GRM5: variants seen among roughly 807,000 people sequenced by gnomAD.
GRM5 encodes metabotropic glutamate receptor 5.
GRM5 carries 19 observed loss-of-function variants against 83.1 expected under a neutral mutation model. The ratio of observed to expected loss-of-function variants is 0.23; its 90% CI spans 0.16 to 0.34. The LOEUF is 0.34. Ranked by LOEUF, GRM5 falls within the 10% of genes least tolerant of loss-of-function variation. The probability of loss-of-function intolerance (pLI) is 1.00; values close to 1 mark genes in which losing one functional copy is unlikely to be tolerated. For synonymous variants in GRM5, 675 were observed against 633.6 expected, an observed-to-expected ratio of 1.07 and a Z score of -0.98; for missense variants, 1,160 against 1,588.3, an observed-to-expected ratio of 0.73 and a Z score of 4.58.
chr11:88,966,404 TA>T (rs5793372), intron 2 of GRM5, among the ~76,000 whole-genome samples: 1 of 151,540 alleles, frequency 6.6e-6, no homozygotes, highest in South Asian at 2.1e-4. Context: ...AAAAGCAGTT[TA>T]AAAAAAAGCT....
intron 3 of GRM5, among the ~76,000 whole-genome samples, chr11:88,745,360 C>A (rs932057889): frequency 7.5e-6 from 1 of 132,700 alleles, no homozygotes; most frequent in African/African-American, 2.6e-5. Context: ...GCACGTGCCA[C>A]CCCACCTAGC....
chr11:89,037,449 T>C (rs1433772190), intron 2 of GRM5, among the ~76,000 whole-genome samples: 5 of 152,068 alleles, frequency 3.3e-5, no homozygotes, highest in Admixed American at 1.3e-4. Flanking sequence ...ATGAGTAACC[T>C]ACAGTGCAAT....
intron 3 of GRM5, among the ~76,000 whole-genome samples, chr11:88,662,355 T>C (rs954477503): frequency 6.6e-6 from 1 of 152,192 alleles, no homozygotes; most frequent in Non-Finnish European, 1.5e-5. Flanking sequence ...CATACAGTAA[T>C]GACAGCAGAG....
chr11:88,825,763 C>G (rs1943884850), intron 3 of GRM5, among the ~76,000 whole-genome samples: 1 of 152,136 alleles, frequency 6.6e-6, no homozygotes, highest in African/African-American at 2.4e-5. Flanking sequence ...GAGAGATTAT[C>G]ACTGTTTGCC....
intron 3 of GRM5, among the ~76,000 whole-genome samples, chr11:88,771,244 G>A (rs1343893189): frequency 6.6e-6 from 1 of 152,056 alleles, no homozygotes; most frequent in Non-Finnish European, 1.5e-5. Flanking sequence ...TATATGAAAG[G>A]AAGTTTATTA....
At chr11:88,630,443 C>A (rs559185938) in intron 4 of GRM5, among the ~76,000 whole-genome samples, 5 of 151,894 alleles carry the variant, frequency 3.3e-5, no homozygotes, top group Non-Finnish European at 5.9e-5. Flanking sequence ...AATGTAGAGA[C>A]CCTGAAGTTA....
chr11:88,910,310 CTATT>C (rs1945475683), intron 2 of GRM5, among the ~76,000 whole-genome samples: 1 of 152,010 alleles, frequency 6.6e-6, no homozygotes, highest in South Asian at 2.1e-4. Context: ...TTTTGTTCAT[CTATT>C]TATCTACTGA....
rs566783907 is a variant in GRM5, at chr11:88,976,840, C to G, written c.661+70372G>C. Reference sequence around the variant, plus strand: ...CTGCTAGTGAAGACTTAACTTCCTCCAACTCTTTTCTATAAATACAAAAAA... The same window carrying G: ...CTGCTAGTGAAGACTTAACTTCCTCGAACTCTTTTCTATAAATACAAAAAA... On this transcript the variant is annotated intron_variant, in intron 2 of 9. Coordinates refer to ENST00000305447, the MANE Select transcript of GRM5 (RefSeq NM_001143831.3). Among the ~76,000 whole-genome samples, 6 of 142,952 alleles carry G rather than the reference C, an allele frequency of 4.2e-5. No homozygotes were observed. The South Asian group carries it at 1.5e-3, about 35-fold the overall frequency. 93.8% of individuals were successfully genotyped at this position (142,952 alleles called of 152,430 possible). A position where few individuals can be genotyped will look rare whatever the true frequency, so the allele number is the denominator to read the frequency against.
At chr11:88,957,565 A>T (rs1938660584) in intron 2 of GRM5, among the ~76,000 whole-genome samples, 1 of 152,224 alleles carries the variant, frequency 6.6e-6, no homozygotes, top group African/African-American at 2.4e-5. Context: ...ATGGAGATTG[A>T]GACATCACTA....
Position 88,685,516 on chromosome 11 carries a change from G to A in GRM5, c.912-32113C>T, listed in dbSNP as rs187364748. On this transcript the variant is annotated intron_variant, in intron 3 of 9. Coordinates refer to ENST00000305447, the MANE Select transcript of GRM5 (RefSeq NM_001143831.3). Reference sequence around the variant, plus strand: ...TGCAGAAATTTGCATAAGTAACAAGGAGCCAAATGTTAATCCCCAAGACAA... The same window carrying A: ...TGCAGAAATTTGCATAAGTAACAAGAAGCCAAATGTTAATCCCCAAGACAA... Among the ~76,000 whole-genome samples the A allele has an allele frequency of 5.9e-5, 9 of 152,286 alleles. No individual in the cohort carries two copies. In the East Asian group the frequency reaches 1.5e-3, roughly 26 times the overall value.
intron 4 of GRM5, among the ~76,000 whole-genome samples, chr11:88,646,286 T>A (rs1200153246): frequency 6.6e-6 from 1 of 152,022 alleles, no homozygotes; most frequent in Non-Finnish European, 1.5e-5. Context: ...TAGAGAAAAA[T>A]TATACTCTTA....
At chr11:88,670,232 C>T (rs1940156167) in intron 3 of GRM5, among the ~76,000 whole-genome samples, 1 of 151,482 alleles carries the variant, frequency 6.6e-6, no homozygotes, top group Admixed American at 6.6e-5. Flanking sequence ...ACACTGTTTA[C>T]AAAAATCAAA....
At chr11:88,886,656 T>C (rs1395370697) in intron 2 of GRM5, among the ~76,000 whole-genome samples, 5 of 152,100 alleles carry the variant, frequency 3.3e-5, no homozygotes, top group Non-Finnish European at 7.4e-5. Flanking sequence ...GTTACCACCA[T>C]TGTTATCCAA....
chr11:88,600,262 T>G (rs1937942438), intron 5 of GRM5, among the ~76,000 whole-genome samples: 1 of 148,108 alleles, frequency 6.8e-6, no homozygotes, highest in Admixed American at 6.7e-5. Context: ...CTCTTCCTCC[T>G]TCTTCCTCCT....
At chr11:88,593,132 T>A (rs1937685024) in intron 6 of GRM5, among the ~76,000 whole-genome samples, 1 of 152,200 alleles carries the variant, frequency 6.6e-6, no homozygotes, top group Non-Finnish European at 1.5e-5. Flanking sequence ...CGGTGCTTTC[T>A]TTATGAATAA....
intron 2 of GRM5, among the ~76,000 whole-genome samples, chr11:89,016,157 A>C (rs1940848206): frequency 6.6e-6 from 1 of 150,656 alleles, no homozygotes; most frequent in African/African-American, 2.4e-5. Flanking sequence ...AATTATATCT[A>C]TATATAAATA....
At chr11:88,643,386 A>T (rs1453918420) in intron 4 of GRM5, among the ~76,000 whole-genome samples, 1 of 152,000 alleles carries the variant, frequency 6.6e-6, no homozygotes, top group Non-Finnish European at 1.5e-5. Flanking sequence ...CTCTCACCAG[A>T]CTCCACATCC....
At chr11:88,595,479 A>G (rs1433199182) in intron 6 of GRM5, among the ~76,000 whole-genome samples, 4 of 152,046 alleles carry the variant, frequency 2.6e-5, no homozygotes, top group Non-Finnish European at 5.9e-5. Flanking sequence ...TATCTTGCAC[A>G]TATAAGTGAG....
At chr11:88,903,142 C>A (rs1400721036) in intron 2 of GRM5, among the ~76,000 whole-genome samples, 1 of 151,870 alleles carries the variant, frequency 6.6e-6, no homozygotes, top group Non-Finnish European at 1.5e-5. Context: ...TGGGTTGGGG[C>A]AGGGGCGAAG....
Sources: gnomAD v4.1 joint callset for allele counts (sites outside exome capture counted in the v4.1 genomes callset) on GRCh38, gnomAD v4.1.1 for gene constraint, MANE v1.5 for transcripts, NCBI Gene and HGNC (gene_info 2026-07-23, HGNC 2026-07-21) for gene names.